Variants in RBFOX1 observed in about 807,000 individuals in gnomAD.
RBFOX1 encodes RNA binding fox-1 homolog 1.
A neutral mutation model predicts 57.7 loss-of-function variants in RBFOX1; 8 were observed. The ratio of observed to expected loss-of-function variants is 0.14; its 90% CI spans 0.08 to 0.25. RBFOX1 has a LOEUF of 0.25. Ranked by LOEUF, RBFOX1 falls within the 10% of genes least tolerant of loss-of-function variation. The pLI is 1.00. For synonymous variants in RBFOX1, 326 were observed against 222.4 expected, an observed-to-expected ratio of 1.47 and a Z score of -4.15; for missense variants, 611 against 548.5, an observed-to-expected ratio of 1.11 and a Z score of -1.14.
intron 1 of RBFOX1, among the ~76,000 whole-genome samples, chr16:6,041,283 A>ATTTCATCC (rs2095433541): frequency 6.6e-6 from 1 of 152,024 alleles, no homozygotes; most frequent in Admixed American, 6.5e-5. Flanking sequence ...GTTAGAAGCA[A>ATTTCATCC]TTTCATCCTT....
At chr16:6,720,612 T>C (rs2065794993) in intron 3 of RBFOX1, among the ~76,000 whole-genome samples, 1 of 152,084 alleles carries the variant, frequency 6.6e-6, no homozygotes, top group Non-Finnish European at 1.5e-5. Flanking sequence ...GGGGTGCTGC[T>C]GGAGAATAGT....
chr16:6,800,575 G>C (rs188848805), intron 3 of RBFOX1, among the ~76,000 whole-genome samples: 1 of 152,092 alleles, frequency 6.6e-6, no homozygotes. Flanking sequence ...AGAGGGCCCG[G>C]TAATCACCTG....
intron 3 of RBFOX1, among the ~76,000 whole-genome samples, chr16:5,826,920 G>A (rs1360294106): frequency 6.6e-6 from 1 of 152,184 alleles, no homozygotes; most frequent in Admixed American, 6.5e-5. Flanking sequence ...TGTTGGAAAT[G>A]CTAGAATATC....
chr16:6,256,577 C>G (rs1038428857), intron 1 of RBFOX1, among the ~76,000 whole-genome samples: 1 of 151,794 alleles, frequency 6.6e-6, no homozygotes, highest in Non-Finnish European at 1.5e-5. Flanking sequence ...GCGATTAAAC[C>G]GATATAATCA....
At chr16:6,813,272 A>C (rs561951211) in intron 3 of RBFOX1, among the ~76,000 whole-genome samples, 1 of 152,292 alleles carries the variant, frequency 6.6e-6, no homozygotes, top group Non-Finnish European at 1.5e-5. Context: ...TCTTTCTGGC[A>C]GTCCTCAAAA....
intron 2 of RBFOX1, among the ~76,000 whole-genome samples, chr16:6,531,619 C>G (rs561227062): frequency 6.6e-6 from 1 of 152,156 alleles, no homozygotes; most frequent in East Asian, 1.9e-4. Flanking sequence ...TGTTCTATTC[C>G]TCAGTGTACG....
chr16:7,257,119 G>C (rs2094720540), intron 4 of RBFOX1, among the ~76,000 whole-genome samples: 1 of 152,134 alleles, frequency 6.6e-6, no homozygotes, highest in Non-Finnish European at 1.5e-5. Flanking sequence ...GAACAGTTGT[G>C]AAACTGAACG....
chr16:6,701,135 A>ATGTG (rs111800744), intron 3 of RBFOX1, among the ~76,000 whole-genome samples: 3,700 of 149,196 alleles, frequency 0.025, 59 homozygotes, highest in Middle Eastern at 0.038. Context: ...CTGTGTGTGT[A>ATGTG]TGTGTGTGTG....
intron 4 of RBFOX1, among the ~76,000 whole-genome samples, chr16:5,982,305 G>A (rs12922049): frequency 0.27 from 40,224 of 151,292 alleles, 5,665 homozygotes; most frequent in South Asian, 0.32. Context: ...ATGGAGTCTC[G>A]CTCTGTTGCA....
At chr16:6,854,149 T>A (rs550104935) in intron 3 of RBFOX1, among the ~76,000 whole-genome samples, 1 of 152,278 alleles carries the variant, frequency 6.6e-6, no homozygotes, top group East Asian at 1.9e-4. Flanking sequence ...ACTCAAAATA[T>A]GAGTGTCTGA....
intron 3 of RBFOX1, among the ~76,000 whole-genome samples, chr16:5,722,364 A>G (rs1317264240): frequency 4.6e-5 from 7 of 152,204 alleles, no homozygotes; most frequent in Middle Eastern, 3.2e-3. Context: ...AGACTTGGCA[A>G]TGTGCTTTCT....
chr16:6,238,194 G>C (rs984203002), intron 1 of RBFOX1, among the ~76,000 whole-genome samples: 5 of 151,594 alleles, frequency 3.3e-5, no homozygotes, highest in African/African-American at 4.9e-5. Flanking sequence ...TAAAAATATT[G>C]CTATTACAGT....
intron 3 of RBFOX1, among the ~76,000 whole-genome samples, chr16:6,982,475 A>T (rs527518923): frequency 6.6e-6 from 1 of 152,098 alleles, no homozygotes; most frequent in African/African-American, 2.4e-5. Context: ...TCATTCGTTC[A>T]TGAGAGTCGT....
intron 3 of RBFOX1, among the ~76,000 whole-genome samples, chr16:6,802,946 G>A (rs954822892): frequency 6.6e-6 from 1 of 152,194 alleles, no homozygotes; most frequent in African/African-American, 2.4e-5. Context: ...GAAGAGGGAA[G>A]ATGGCTTCTT....
At chr16:5,832,892 T>C (rs1488097480) in intron 3 of RBFOX1, among the ~76,000 whole-genome samples, 1 of 151,670 alleles carries the variant, frequency 6.6e-6, no homozygotes, top group Non-Finnish European at 1.5e-5. Flanking sequence ...GGTTAAAGGG[T>C]CCTCAGAGAC....
intron 3 of RBFOX1, among the ~76,000 whole-genome samples, chr16:6,751,443 C>G (rs1021307580): frequency 6.6e-6 from 1 of 152,080 alleles, no homozygotes; most frequent in African/African-American, 2.4e-5. Flanking sequence ...GGCATTTGTA[C>G]CCTGATGACT....
At chr16:6,692,209 C>T (rs990292617) in intron 3 of RBFOX1, among the ~76,000 whole-genome samples, 8 of 152,172 alleles carry the variant, frequency 5.3e-5, no homozygotes, top group East Asian at 1.9e-4. Context: ...ACAAGTTTAG[C>T]ATCAATAGGA....
intron 3 of RBFOX1, among the ~76,000 whole-genome samples, chr16:6,860,434 C>T (rs72768864): frequency 0.27 from 40,851 of 152,016 alleles, 5,900 homozygotes; most frequent in Admixed American, 0.39. Flanking sequence ...GGCTAAGACG[C>T]GGGGGCAGCG....
chr16:6,286,807 C>T (rs1305633142), intron 1 of RBFOX1, among the ~76,000 whole-genome samples: 1 of 152,126 alleles, frequency 6.6e-6, no homozygotes, highest in South Asian at 2.1e-4. Flanking sequence ...CTTGGAAGAA[C>T]TTGATAATCC....
Sources: allele counts gnomAD v4.1 joint callset (sites outside exome capture counted in the v4.1 genomes callset), GRCh38; gene constraint gnomAD v4.1.1; transcripts MANE v1.5; gene names NCBI Gene and HGNC (gene_info 2026-07-23, HGNC 2026-07-21).